The following SNX29 variants were observed in gnomAD, a reference collection of about 807,000 sequenced individuals.
The protein encoded by SNX29 is sorting nexin-29.
A neutral mutation model predicts 102.1 loss-of-function variants in SNX29; 78 were observed. The ratio of observed to expected loss-of-function variants is 0.76; its 90% CI spans 0.64 to 0.92. The LOEUF (loss-of-function observed/expected upper bound fraction) is 0.92, where lower values mean the gene tolerates loss of function less well. Ranked by LOEUF, SNX29 falls within the 40% of genes least tolerant of loss-of-function variation. The pLI is 0.00. For missense variants in SNX29, 1,280 were observed against 1,061.7 expected (o/e 1.21, Z -2.86); for synonymous variants, 580 against 414.5 (o/e 1.40, Z -4.85).
intron 15 of SNX29, among the ~76,000 whole-genome samples, chr16:12,331,695 G>A (rs2081296272): frequency 6.6e-6 from 1 of 152,070 alleles, no homozygotes; most frequent in African/African-American, 2.4e-5. Flanking sequence ...GGGACTACAG[G>A]CGCCCGCCTC....
chr16:12,047,110 T>C (rs1296183513), intron 6 of SNX29, among the ~76,000 whole-genome samples: 1 of 152,234 alleles, frequency 6.6e-6, no homozygotes, highest in East Asian at 1.9e-4. Context: ...TGCTGCCTTT[T>C]CTTTCCTCTC....
At chr16:12,099,365 G>C (rs1032953761) in intron 11 of SNX29, among the ~76,000 whole-genome samples, 2 of 152,190 alleles carry the variant, frequency 1.3e-5, no homozygotes, top group Non-Finnish European at 2.9e-5. Flanking sequence ...GGAAGGAAGA[G>C]GCACCGTGAT....
intron 19 of SNX29, among the ~76,000 whole-genome samples, chr16:12,513,923 G>C (rs970000093): frequency 6.6e-6 from 1 of 152,200 alleles, no homozygotes; most frequent in Non-Finnish European, 1.5e-5. Context: ...GCTCTCGTCA[G>C]CTTCCCAATT....
intron 11 of SNX29, among the ~76,000 whole-genome samples, chr16:12,084,405 A>G (rs769400340): frequency 5.9e-5 from 9 of 152,180 alleles, no homozygotes; most frequent in Non-Finnish European, 1.0e-4. Flanking sequence ...CGGCTTTCCA[A>G]AGTGAAAAAG....
intron 14 of SNX29, among the ~76,000 whole-genome samples, chr16:12,275,499 G>A (rs574908144): frequency 4.6e-5 from 7 of 152,270 alleles, no homozygotes; most frequent in Middle Eastern, 3.4e-3. Context: ...TGTGTTCACC[G>A]TCATTTCCAG....
chr16:12,139,018 C>T (rs946103184), intron 13 of SNX29, among the ~76,000 whole-genome samples: 3 of 151,632 alleles, frequency 2.0e-5, no homozygotes, highest in Non-Finnish European at 2.9e-5. Flanking sequence ...CCTGGACAAC[C>T]TGGTGAAACC....
intron 20 of SNX29, among the ~76,000 whole-genome samples, chr16:12,535,909 G>C (rs1330990717): frequency 6.6e-6 from 1 of 152,160 alleles, no homozygotes; most frequent in South Asian, 2.1e-4. Flanking sequence ...GAGGTTAATT[G>C]AAGAAAGGGC....
intron 13 of SNX29, among the ~76,000 whole-genome samples, chr16:12,195,985 CTTTTTTTTTTT>C (rs762409358): frequency 1.4e-3 from 164 of 117,970 alleles, no homozygotes; most frequent in East Asian, 2.0e-3. Context: ...GTTTCTTTTC[CTTTTTTTTTTT>C]TTTTTTTTTT....
chr16:12,189,872 C>T (rs1217078760), intron 13 of SNX29, among the ~76,000 whole-genome samples: 1 of 152,074 alleles, frequency 6.6e-6, no homozygotes, highest in East Asian at 1.9e-4. Context: ...CTTTTATGAG[C>T]TGGCTTCTGT....
intron 14 of SNX29, among the ~76,000 whole-genome samples, chr16:12,275,044 T>C (rs192137289): frequency 6.6e-6 from 1 of 152,332 alleles, no homozygotes; most frequent in East Asian, 1.9e-4. Flanking sequence ...TCTCAGTCTT[T>C]CATCTTAGGT....
At chr16:12,564,329 T>G (rs2078898535) in intron 20 of SNX29, among the ~76,000 whole-genome samples, 1 of 152,242 alleles carries the variant, frequency 6.6e-6, no homozygotes, top group African/African-American at 2.4e-5. Context: ...TCTCTTACCT[T>G]ATTTCAGTCA....
intron 15 of SNX29, among the ~76,000 whole-genome samples, chr16:12,285,646 G>A (rs886363341): frequency 3.3e-5 from 5 of 152,306 alleles, no homozygotes; most frequent in African/African-American, 1.2e-4. Context: ...CTTGGGAGCA[G>A]TTACACCACC....
chr16:12,053,929 G>A (rs1480442909), intron 8 of SNX29, among the ~76,000 whole-genome samples: 2 of 151,860 alleles, frequency 1.3e-5, no homozygotes, highest in Non-Finnish European at 2.9e-5. Context: ...ATTGAGATTT[G>A]GATTCAGGTA....
chr16:12,417,860 C>G (rs534359462), intron 18 of SNX29, among the ~76,000 whole-genome samples: 60 of 152,006 alleles, frequency 3.9e-4, no homozygotes, highest in Non-Finnish European at 1.2e-4. Flanking sequence ...TTCTTGAGCC[C>G]TGGGAAGAGA....
chr16:12,311,424 C>G (rs1255620918), intron 15 of SNX29, among the ~76,000 whole-genome samples: 1 of 152,238 alleles, frequency 6.6e-6, no homozygotes, highest in African/African-American at 2.4e-5. Context: ...AGGCAGGGCT[C>G]ACACCCTCCT....
rs373587979 is a variant in SNX29, at chr16:12,572,839, C to T, written c.*4210C>T. 8 of 1,063,858 alleles carry T rather than the reference C, an allele frequency of 7.5e-6. No homozygotes were observed. In the Admixed American group the frequency reaches 1.6e-4, roughly 21 times the overall value. The allele number at this position is 1,063,858 out of a possible 1,614,324, so 65.9% of individuals were successfully genotyped here. ...GGAGGCATCCCAGAAGGGGCAGCCT[C>T]ATGCCCAGGTTTCAGCCCTAAAGGT... On this transcript the variant is annotated 3_prime_UTR_variant, in exon 21 of 21. Transcript: ENST00000566228.
At chr16:12,432,315 A>G (rs1056820604) in intron 18 of SNX29, among the ~76,000 whole-genome samples, 33 of 152,350 alleles carry the variant, frequency 2.2e-4, no homozygotes, top group African/African-American at 7.5e-4. Flanking sequence ...TTCTCCAGAA[A>G]CCTTGTGGTG....
intron 15 of SNX29, among the ~76,000 whole-genome samples, chr16:12,335,062 A>T (rs927983006): frequency 6.6e-6 from 1 of 151,826 alleles, no homozygotes. Flanking sequence ...TCGCTTCACT[A>T]CCGTTCCTGT....
intron 19 of SNX29, among the ~76,000 whole-genome samples, chr16:12,489,413 A>G (rs2151857732): frequency 6.6e-6 from 1 of 152,196 alleles, no homozygotes; most frequent in East Asian, 1.9e-4. Flanking sequence ...CTGCAGTGTC[A>G]TGGGCCACTT....
Sources: allele counts gnomAD v4.1 joint callset (sites outside exome capture counted in the v4.1 genomes callset), GRCh38; gene constraint gnomAD v4.1.1; transcripts MANE v1.5; gene names NCBI Gene and HGNC (gene_info 2026-07-23, HGNC 2026-07-21).